DHX29: variants seen among roughly 807,000 people sequenced by gnomAD.
The protein encoded by DHX29 is ATP-dependent RNA helicase DHX29.
A neutral mutation model predicts 167.9 loss-of-function variants in DHX29; 79 were observed. The ratio of observed to expected loss-of-function variants is 0.47; its 90% CI spans 0.39 to 0.57. DHX29 has a LOEUF of 0.57. Ranked by LOEUF, DHX29 falls within the 20% of genes least tolerant of loss-of-function variation. The pLI is 0.00. For missense variants in DHX29, 1,347 were observed against 1,593.4 expected, an observed-to-expected ratio of 0.85 and a Z score of 2.63; for synonymous variants, 530 against 546.0, an observed-to-expected ratio of 0.97 and a Z score of 0.41.
intron 25 of DHX29, 104 bp from the exon 26 acceptor site, chr5:55,260,048 T>A: frequency 1.8e-6 from 1 of 553,646 alleles, no homozygotes. Flanking sequence ...TTAGCACATC[T>A]TGCTTTTAAT....
intron 5 of DHX29, among the ~76,000 whole-genome samples, chr5:55,294,657 C>T (rs1192449249): frequency 6.6e-6 from 1 of 152,082 alleles, no homozygotes; most frequent in African/African-American, 2.4e-5. Flanking sequence ...CCAGCCTGGG[C>T]AACAGAGCAA....
intron 25 of DHX29, among the ~76,000 whole-genome samples, chr5:55,260,803 G>C (rs189341492): frequency 1.4e-3 from 211 of 152,304 alleles, no homozygotes; most frequent in African/African-American, 4.9e-3. Context: ...CAGAGAAACA[G>C]ATAAACTTAT....
chr5:55,266,214 G>A (rs1746559037), intron 23 of DHX29, among the ~76,000 whole-genome samples: 1 of 151,114 alleles, frequency 6.6e-6, no homozygotes, highest in Non-Finnish European at 1.5e-5. Flanking sequence ...GGCCAGGCTG[G>A]TCTTGAACTC....
chr5:55,294,450 G>A (rs763410184), intron 5 of DHX29, among the ~76,000 whole-genome samples: 5 of 152,188 alleles, frequency 3.3e-5, no homozygotes, highest in African/African-American at 7.2e-5. Context: ...CAAAGCGGGC[G>A]GATCACAAGG....
At chr5:55,293,251 A>C (rs1036340735) in intron 6 of DHX29, among the ~76,000 whole-genome samples, 1 of 152,254 alleles carries the variant, frequency 6.6e-6, no homozygotes, top group African/African-American at 2.4e-5. Flanking sequence ...TTTGTGTACA[A>C]GTCTTTGTGA....
chr5:55,283,934 T>G lies in DHX29; in HGVS notation c.1357-123A>C, dbSNP rs1579791138. Reference sequence around the variant, plus strand: ...ATAATTTGACTCAAATTATTATTACTTTAATATATGTATGTGTATGATGCA... The same window carrying G: ...ATAATTTGACTCAAATTATTATTACGTTAATATATGTATGTGTATGATGCA... On this transcript the variant is annotated intron_variant, in intron 10 of 26. Transcript: ENST00000251636. 13 of 721,902 alleles carry G rather than the reference T, an allele frequency of 1.8e-5. No homozygotes were observed. The East Asian group carries it at 3.6e-4, about 20-fold the overall frequency. 44.7% of individuals were successfully genotyped at this position (721,902 alleles called of 1,614,324 possible).
At chr5:55,263,037 C>G (rs1442338808) in intron 23 of DHX29, 105 bp from the exon 24 acceptor site, 2 of 858,166 alleles carry the variant, frequency 2.3e-6, no homozygotes, top group African/African-American at 3.4e-5. Context: ...TGACAGGATG[C>G]TAATGATTAT....
At chr5:55,298,765 T>A in intron 1 of DHX29, 101 bp from the exon 2 acceptor site, 1 of 542,480 alleles carries the variant, frequency 1.8e-6, no homozygotes, top group Non-Finnish European at 3.4e-6. Context: ...GCGCGGTGGC[T>A]CACGCCTGTA....
chr5:55,278,886 C>T (rs1459944428), intron 12 of DHX29, among the ~76,000 whole-genome samples: 3 of 152,106 alleles, frequency 2.0e-5, no homozygotes, highest in African/African-American at 7.2e-5. Flanking sequence ...AGAAATAAAG[C>T]TGGTAAGATA....
chr5:55,295,590 G>C, intron 4 of DHX29, 66 bp from the exon 5 acceptor site: 8 of 1,525,204 alleles, frequency 5.2e-6, no homozygotes, highest in Non-Finnish European at 7.1e-6. Context: ...ACAAATATTT[G>C]TTAAGCATTT....
chr5:55,302,582 G>A lies in DHX29; in HGVS notation c.188-3918C>T, dbSNP rs909112604. The stretch of plus-strand genomic sequence containing the variant: ...TTGTAGTGAGCCACTGGGCGACAGA[G>A]TGACCCTATCAAAAAAAAAAAAAAA... On this transcript the variant is annotated intron_variant, in intron 1 of 26. Transcript: ENST00000251636. Among the ~76,000 whole-genome samples the A allele has an allele frequency of 5.8e-5, 8 of 137,758 alleles. No individual in the cohort carries two copies. The East Asian group carries it at 1.7e-3, about 30-fold the overall frequency. 90.4% of individuals were successfully genotyped at this position (137,758 alleles called of 152,430 possible). A position where few individuals can be genotyped will look rare whatever the true frequency, so the allele number is the denominator to read the frequency against.
chr5:55,262,847 GCT>G lies in DHX29; in HGVS notation c.3609_3610del (p.Arg1203SerfsTer14), dbSNP rs1561134586. Reference sequence around the variant, plus strand: ...TTCTTGGAATGAGAGGGTCTGTGAGGCTCTGTTTCCTTCCCAGCTGGTAGAAG... The same window carrying G: ...TTCTTGGAATGAGAGGGTCTGTGAGGCTGTTTCCTTCCCAGCTGGTAGAAG... On this transcript the variant is annotated frameshift_variant, in exon 24 of 27. Coordinates refer to ENST00000251636, the MANE Select transcript of DHX29 (RefSeq NM_019030.4). LOFTEE classifies it high-confidence loss of function. 3.1e-6 allele frequency: 5 copies of G among 1,613,826 alleles called. No homozygotes were observed. Among genetic ancestry groups the G allele is most frequent in the Admixed American group, 1.7e-5 (1 of 59,992 alleles).
intron 6 of DHX29, among the ~76,000 whole-genome samples, chr5:55,291,968 A>C (rs952241132): frequency 6.6e-6 from 1 of 152,156 alleles, no homozygotes; most frequent in Non-Finnish European, 1.5e-5. Flanking sequence ...ATTGTGAATA[A>C]TGCTGCTATG....
chr5:55,276,368 A>G lies in DHX29; in HGVS notation c.2325T>C (p.Phe775=), dbSNP rs1284822658. 1.2e-6 allele frequency: 2 copies of G among 1,601,166 alleles called. No individual in the cohort carries two copies. The highest frequency in any genetic ancestry group is 1.7e-6 in the Non-Finnish European group (2 of 1,175,470). ...HLEDIIEETG[F]VLEKDSEYCQ... is the part of the protein sequence containing the mutation. ...AATATTCTGAGTCTTTTTCCAGTAC[A>G]AAGCCTGTTTCTTCTATTATATCTT... The change falls in exon 14 of 27, where the codon TTT becomes TTC. Residue 775 remains phenylalanine (F), a synonymous_variant. Transcript: ENST00000251636.
chr5:55,259,421 T>A (rs1746203072), intron 26 of DHX29, among the ~76,000 whole-genome samples: 3 of 152,086 alleles, frequency 2.0e-5, no homozygotes, highest in Non-Finnish European at 4.4e-5. Context: ...CAAAAAAAAA[T>A]TTCTAGAATA....
At position 55,267,132 on chromosome 5, in the gene DHX29, A is replaced by G. The variant is rs767697826; in HGVS notation, c.3525+6T>C. 1 of 1,586,262 alleles carries G rather than the reference A, an allele frequency of 6.3e-7. No homozygotes were observed. Among genetic ancestry groups the G allele is most frequent in the Non-Finnish European group, 8.6e-7 (1 of 1,160,328 alleles). ...CTCTGAGTGAGAGATCCATATTAAG[A>G]ATTACCTCTAGGGTTAACAGTGATG... On this transcript the variant is annotated splice_donor_region_variant and intron_variant, in intron 23 of 26. Transcript: ENST00000251636.
chr5:55,272,364 T>TA (rs762149494), intron 17 of DHX29, among the ~76,000 whole-genome samples, 189 bp from the exon 18 acceptor site: 3 of 152,218 alleles, frequency 2.0e-5, no homozygotes, highest in Non-Finnish European at 4.4e-5. Context: ...GCTTACTAAT[T>TA]AGACTAAATC....
chr5:55,287,732 C>A (rs1008428537), intron 8 of DHX29, among the ~76,000 whole-genome samples: 2 of 150,776 alleles, frequency 1.3e-5, no homozygotes, highest in Admixed American at 1.3e-4. Context: ...GCAGATCACC[C>A]GAAGTCAGGA....
At position 55,259,872 on chromosome 5, in the gene DHX29, C is replaced by T; in HGVS notation, c.4033G>A (p.Glu1345Lys). ...LIDSVLRKKLENPKMSLENDK... is the reference protein window; with the variant it reads ...LIDSVLRKKLKNPKMSLENDK... Reference sequence around the variant, plus strand: ...CTTTCAAGGGACATCTTTGGATTTTCAAGCTTTTTTCTTAAAACTGAATCA... The same window carrying T: ...CTTTCAAGGGACATCTTTGGATTTTTAAGCTTTTTTCTTAAAACTGAATCA... Residue 1345 changes from glutamate to lysine, a missense_variant, in exon 26 of 27, where the codon GAA becomes AAA. Physicochemically the swap from Glu to Lys is moderately conservative, Grantham distance 56. Transcript: ENST00000251636. 6.2e-7 allele frequency: 1 copy of T among 1,608,546 alleles called. No homozygotes were observed. Among genetic ancestry groups the T allele is most frequent in the Non-Finnish European group, 8.5e-7 (1 of 1,175,158 alleles).
Sources: gnomAD v4.1 joint callset for allele counts (sites outside exome capture counted in the v4.1 genomes callset) on GRCh38, gnomAD v4.1.1 for gene constraint, MANE v1.5 for transcripts, NCBI Gene and HGNC (gene_info 2026-07-23, HGNC 2026-07-21) for gene names.